SKAP1: variants seen among roughly 807,000 people sequenced by gnomAD.
SKAP1 encodes src kinase-associated phosphoprotein 1.
In SKAP1, 44 loss-of-function variants were observed where a neutral mutation model predicts 58.5. The ratio of observed to expected loss-of-function variants is 0.75; its 90% CI spans 0.59 to 0.97. The LOEUF is 0.97. Ranked by LOEUF, SKAP1 falls within the 50% of genes least tolerant of loss-of-function variation. SKAP1 has a pLI of 0.00. For missense variants in SKAP1, 390 were observed against 435.2 expected (o/e 0.90, Z 0.92); for synonymous variants, 127 against 149.7 (o/e 0.85, Z 1.11).
At chr17:48,151,305 C>T (rs1451637714) in intron 11 of SKAP1, among the ~76,000 whole-genome samples, 8 of 152,210 alleles carry the variant, frequency 5.3e-5, no homozygotes, top group East Asian at 3.9e-4. Flanking sequence ...ATAGCTATAG[C>T]GTAAATGAAT....
the SKAP1 span, among the ~76,000 whole-genome samples, chr17:48,440,768 G>C: frequency 5.3e-5 from 8 of 152,306 alleles, no homozygotes; most frequent in African/African-American, 1.9e-4. Flanking sequence ...TGAGGGGAAG[G>C]CTCACTGTGG....
At chr17:48,209,046 T>C (rs1026571143) in intron 4 of SKAP1, among the ~76,000 whole-genome samples, 1 of 152,188 alleles carries the variant, frequency 6.6e-6, no homozygotes, top group Non-Finnish European at 1.5e-5. Flanking sequence ...TAATTTTCTA[T>C]AATAAGAAAA....
intron 4 of SKAP1, among the ~76,000 whole-genome samples, chr17:48,225,117 T>C (rs2065052752): frequency 6.6e-6 from 1 of 152,200 alleles, no homozygotes; most frequent in Non-Finnish European, 1.5e-5. Flanking sequence ...ATTTCTAGTA[T>C]GTACGCAAAT....
chr17:48,187,063 G>T (rs1272289245), intron 6 of SKAP1, among the ~76,000 whole-genome samples: 2 of 152,210 alleles, frequency 1.3e-5, no homozygotes, highest in Non-Finnish European at 2.9e-5. Flanking sequence ...GTCCAACTCT[G>T]TAGAAGAGTA....
intron 3 of SKAP1, 55 bp from the exon 4 acceptor site, chr17:48,346,061 G>C: frequency 9.5e-7 from 1 of 1,053,432 alleles, no homozygotes; most frequent in Non-Finnish European, 1.4e-6. Context: ...CCTTATAAAA[G>C]GATACATCCT....
At chr17:48,437,291 C>T in the SKAP1 span, among the ~76,000 whole-genome samples, 23 of 152,174 alleles carry the variant, frequency 1.5e-4, no homozygotes, top group African/African-American at 3.9e-4. Flanking sequence ...ACCTGGGTCC[C>T]GTTTCTGGCT....
chr17:48,174,447 C>T (rs541016872), intron 9 of SKAP1, among the ~76,000 whole-genome samples: 1 of 152,170 alleles, frequency 6.6e-6, no homozygotes, highest in Non-Finnish European at 1.5e-5. Flanking sequence ...GTTCAGAGGG[C>T]ACAATACAAA....
intron 4 of SKAP1, among the ~76,000 whole-genome samples, chr17:48,199,041 C>T (rs1036887317): frequency 4.6e-5 from 7 of 152,176 alleles, no homozygotes; most frequent in Non-Finnish European, 1.0e-4. Context: ...GAGAGCCTAT[C>T]TTTAAAAACG....
chr17:48,356,042 C>A (rs2066871973), intron 3 of SKAP1, among the ~76,000 whole-genome samples: 1 of 151,664 alleles, frequency 6.6e-6, no homozygotes, highest in South Asian at 2.1e-4. Context: ...ATCTCTTGAG[C>A]CCAAAATTTC....
At chr17:48,242,076 CTTA>C (rs2065248878) in intron 4 of SKAP1, among the ~76,000 whole-genome samples, 1 of 152,156 alleles carries the variant, frequency 6.6e-6, no homozygotes, top group South Asian at 2.1e-4. Context: ...GAAGCATTTT[CTTA>C]TTATTTTTCT....
chr17:48,251,806 C>G (rs1176710969), intron 4 of SKAP1, among the ~76,000 whole-genome samples: 2 of 152,138 alleles, frequency 1.3e-5, no homozygotes, highest in Non-Finnish European at 2.9e-5. Context: ...AAATAATTAC[C>G]TTTTCTTACA....
chr17:48,438,255 A>G, the SKAP1 span, among the ~76,000 whole-genome samples: 2 of 152,196 alleles, frequency 1.3e-5, no homozygotes, highest in African/African-American at 4.8e-5. Context: ...GTGAAGATCC[A>G]AAGAGCTAAT....
intron 10 of SKAP1, among the ~76,000 whole-genome samples, chr17:48,163,958 C>G (rs2064104358): frequency 6.6e-6 from 1 of 152,174 alleles, no homozygotes; most frequent in South Asian, 2.1e-4. Flanking sequence ...TATAGAAATT[C>G]AGGCATGTTT....
chr17:48,331,555 C>T (rs146639360), intron 4 of SKAP1, among the ~76,000 whole-genome samples: 5 of 151,946 alleles, frequency 3.3e-5, no homozygotes, highest in African/African-American at 7.2e-5. Context: ...CAAAATTAGC[C>T]GGGCGTGGTG....
At chr17:48,403,296 A>C (rs2067525651) in intron 1 of SKAP1, among the ~76,000 whole-genome samples, 1 of 151,948 alleles carries the variant, frequency 6.6e-6, no homozygotes, top group African/African-American at 2.4e-5. Context: ...TGAGCCCAGG[A>C]GTTCAAGGTT....
chr17:48,400,061 G>T (rs1321015944), intron 1 of SKAP1, among the ~76,000 whole-genome samples: 2 of 150,560 alleles, frequency 1.3e-5, no homozygotes, highest in Admixed American at 6.6e-5. Context: ...CAGGATATAA[G>T]ATCAATGTAA....
intron 4 of SKAP1, among the ~76,000 whole-genome samples, chr17:48,316,581 C>T (rs2066291167): frequency 6.6e-6 from 1 of 152,042 alleles, no homozygotes; most frequent in Admixed American, 6.6e-5. Flanking sequence ...AACATATCGG[C>T]CCCAGTAAAA....
the SKAP1 span, among the ~76,000 whole-genome samples, chr17:48,443,097 C>A: frequency 6.6e-6 from 1 of 152,118 alleles, no homozygotes; most frequent in Admixed American, 6.5e-5. Flanking sequence ...CAACACTCTT[C>A]CCCTTCCCCT....
intron 2 of SKAP1, among the ~76,000 whole-genome samples, chr17:48,371,419 T>C (rs191066509): frequency 6.6e-6 from 1 of 151,950 alleles, no homozygotes; most frequent in African/African-American, 2.4e-5. Context: ...CCAAAGAACA[T>C]AGTTATTGAG....
Sources: allele counts gnomAD v4.1 joint callset (sites outside exome capture counted in the v4.1 genomes callset), GRCh38; gene constraint gnomAD v4.1.1; transcripts MANE v1.5; gene names NCBI Gene and HGNC (gene_info 2026-07-23, HGNC 2026-07-21).